The following TEX14 variants were observed in gnomAD, a reference collection of about 807,000 sequenced individuals.
The protein encoded by TEX14 is testis expressed 14, intercellular bridge forming factor.
TEX14 carries 168 observed loss-of-function variants against 178.6 expected under a neutral mutation model. The ratio of observed to expected loss-of-function variants is 0.94; its 90% confidence interval spans 0.83 to 1.07. The LOEUF is 1.07. Among genes scored for constraint, TEX14 ranks in the 50% least tolerant of loss-of-function variants. The pLI is 0.00. For missense variants in TEX14, 1,730 were observed against 1,753.6 expected (o/e 0.99, Z 0.24); for synonymous variants, 626 against 634.1 (o/e 0.99, Z 0.19).
At chr17:58,644,983 T>C (rs1048985272) in intron 2 of TEX14, among the ~76,000 whole-genome samples, 2 of 148,998 alleles carry the variant, frequency 1.3e-5, no homozygotes, top group African/African-American at 2.5e-5. Context: ...CTTTTTTTTT[T>C]CTTAACTTTT....
chr17:58,599,428 A>G lies in TEX14; in HGVS notation c.1917T>C (p.Pro639=). Residue 639 remains proline (P), a synonymous_variant, in exon 14 of 32, where the codon CCT becomes CCC. Coordinates refer to ENST00000349033, the MANE Select transcript of TEX14 (RefSeq NM_031272.5). ...CCTCCAAAGATGAAGCAGCTCCTGG[A>G]GGCTCTTCTATGTCATCTTCCAAAA... ...CLILEDDIEE[P]PGAASSLEAD... 7 of 1,614,160 alleles carry G rather than the reference A, an allele frequency of 4.3e-6. No homozygotes were observed. In the South Asian group the frequency reaches 6.6e-5, roughly 15 times the overall value.
chr17:58,604,176 TA>T (rs1316171998), intron 11 of TEX14, among the ~76,000 whole-genome samples: 4 of 151,446 alleles, frequency 2.6e-5, no homozygotes, highest in African/African-American at 9.7e-5. Flanking sequence ...ATATTCAGGT[TA>T]AAAAGTTTGC....
At chr17:58,676,743 TGA>T (rs1378525318) in intron 1 of TEX14, among the ~76,000 whole-genome samples, 2 of 152,112 alleles carry the variant, frequency 1.3e-5, no homozygotes, top group Admixed American at 6.6e-5. Flanking sequence ...CCCAGCACCT[TGA>T]GAGGCCGAGG....
chr17:58,643,948 C>A (rs967695299), intron 2 of TEX14, among the ~76,000 whole-genome samples: 4 of 151,106 alleles, frequency 2.6e-5, no homozygotes, highest in Non-Finnish European at 5.9e-5. Flanking sequence ...TCTCCCCCGC[C>A]CCCCCCAAAT....
At chr17:58,660,417 A>C in intron 1 of TEX14, 2 of 409,494 alleles carry the variant, frequency 4.9e-6, no homozygotes, top group Non-Finnish European at 8.8e-6. Flanking sequence ...AATAAATAAA[A>C]TAATAATAAT....
intron 1 of TEX14, among the ~76,000 whole-genome samples, chr17:58,665,981 G>A (rs1160773794): frequency 1.3e-5 from 2 of 151,778 alleles, no homozygotes; most frequent in African/African-American, 2.4e-5. Flanking sequence ...CCTAGGAGGC[G>A]GAGGTTGCAG....
intron 2 of TEX14, among the ~76,000 whole-genome samples, chr17:58,632,960 G>GT (rs963827313): frequency 6.6e-6 from 1 of 152,060 alleles, no homozygotes; most frequent in African/African-American, 2.4e-5. Flanking sequence ...GCTGTTCTTC[G>GT]TGCCTCTAAG....
Position 58,599,253 on chromosome 17 carries a change from C to T in TEX14, c.2092G>A (p.Gly698Ser), listed in dbSNP as rs765581550. 18 of 1,613,750 alleles carry T rather than the reference C, an allele frequency of 1.1e-5. No homozygotes were observed. In the South Asian group the frequency reaches 1.4e-4, roughly 13 times the overall value. The change falls in exon 14 of 32, where the codon GGT becomes AGT. Residue 698 changes from glycine (G) to serine (S), a missense_variant. Around this residue, in one of 2 missense-constraint regions of TEX14, gnomAD observed 941 missense variants for 1,072.4 expected, o/e 0.88. Coordinates refer to ENST00000349033, the MANE Select transcript of TEX14 (RefSeq NM_031272.5). ...GGAAGGCTGAGTGAACTGAGTGAAC[C>T]GTTTTGCCAGTCCCAGTCATCAAAA... Reference protein sequence around the residue: ...YSFDDWDWQNGSLSSLSLPES... With the variant: ...YSFDDWDWQNSSLSSLSLPES...
At chr17:58,626,516 G>A (rs1187951290) in intron 3 of TEX14, among the ~76,000 whole-genome samples, 6 of 137,124 alleles carry the variant, frequency 4.4e-5, no homozygotes. Context: ...GCTGCAGTGA[G>A]CCAAGACCGT....
chr17:58,652,185 CTTGAATATACTG>C (rs1046093520), intron 1 of TEX14, among the ~76,000 whole-genome samples, 183 bp from the exon 2 acceptor site: 1 of 152,106 alleles, frequency 6.6e-6, no homozygotes, highest in African/African-American at 2.4e-5. Flanking sequence ...AATTAAAGAA[CTTGAATATACTG>C]TTGAATATAG....
intron 19 of TEX14, among the ~76,000 whole-genome samples, chr17:58,583,586 A>G (rs1485250096): frequency 6.6e-6 from 1 of 152,086 alleles, no homozygotes; most frequent in East Asian, 1.9e-4. Context: ...CTTGGCAGAG[A>G]TTTTGTGACT....
intron 29 of TEX14, among the ~76,000 whole-genome samples, chr17:58,560,525 T>C (rs539230531): frequency 6.6e-6 from 1 of 152,354 alleles, no homozygotes; most frequent in South Asian, 2.1e-4. Context: ...TTGTGCTTTA[T>C]TGAATAAAAA....
chr17:58,575,350 A>G (rs779714725), intron 21 of TEX14, among the ~76,000 whole-genome samples: 1 of 152,074 alleles, frequency 6.6e-6, no homozygotes, highest in Non-Finnish European at 1.5e-5. Context: ...TCCTGACCTC[A>G]GGTGATCTGC....
chr17:58,588,475 G>C (rs1431681721), intron 15 of TEX14, among the ~76,000 whole-genome samples: 1 of 151,762 alleles, frequency 6.6e-6, no homozygotes, highest in Admixed American at 6.6e-5. Context: ...TGTATTTTTA[G>C]TAGAAAATTA....
intron 3 of TEX14, among the ~76,000 whole-genome samples, chr17:58,624,945 TAAA>T (rs1447548936): frequency 2.6e-5 from 4 of 152,150 alleles, no homozygotes; most frequent in African/African-American, 9.7e-5. Context: ...CTGGTGATAC[TAAA>T]GAGGCTGGCC....
chr17:58,644,357 G>A (rs2046646373), intron 2 of TEX14, among the ~76,000 whole-genome samples: 1 of 152,140 alleles, frequency 6.6e-6, no homozygotes, highest in Admixed American at 6.6e-5. Flanking sequence ...TTTTGAGACG[G>A]AGTCTCGCTC....
chr17:58,615,162 G>T, intron 8 of TEX14, 70 bp downstream of exon 8: 1 of 854,826 alleles, frequency 1.2e-6, no homozygotes, highest in Non-Finnish European at 1.9e-6. Context: ...CAGGCACAGA[G>T]CTGAATAGCC....
intron 2 of TEX14, among the ~76,000 whole-genome samples, chr17:58,633,121 C>T (rs1167692489): frequency 6.6e-6 from 1 of 152,210 alleles, no homozygotes; most frequent in Non-Finnish European, 1.5e-5. Context: ...TCGCCATGCT[C>T]CTTTCTGCCA....
intron 1 of TEX14, among the ~76,000 whole-genome samples, chr17:58,684,998 TGGATGGTTA>T (rs955763982): frequency 2.0e-5 from 3 of 152,098 alleles, no homozygotes; most frequent in African/African-American, 7.2e-5. Flanking sequence ...GTTGAAGGAA[TGGATGGTTA>T]GAAAATAAAA....
Sources: gnomAD v4.1 joint callset for allele counts (sites outside exome capture counted in the v4.1 genomes callset) on GRCh38, gnomAD v4.1.1 for gene constraint, gnomAD v4.1.1 regional missense constraint, MANE v1.5 for transcripts, NCBI Gene and HGNC (gene_info 2026-07-23, HGNC 2026-07-21) for gene names.